ATP11A: variants seen among roughly 807,000 people sequenced by gnomAD.
ATP11A encodes the protein phospholipid-transporting ATPase IH.
A neutral mutation model predicts 154.4 loss-of-function variants in ATP11A; 81 were observed. That is an observed-to-expected ratio of 0.52 (90% CI 0.44 to 0.63). ATP11A has a LOEUF of 0.63. Among genes scored for constraint, ATP11A ranks in the 30% least tolerant of loss-of-function variants. ATP11A has a pLI of 0.00. For missense variants in ATP11A, 1,316 were observed against 1,474.3 expected (o/e 0.89, Z 1.76); for synonymous variants, 623 against 585.9 (o/e 1.06, Z -0.91).
intron 1 of ATP11A, among the ~76,000 whole-genome samples, chr13:112,760,158 C>T (rs947100654): frequency 1.1e-4 from 16 of 152,226 alleles, no homozygotes; most frequent in African/African-American, 3.9e-4. Context: ...TTTCATTTCT[C>T]AGTCTTCCGT....
chr13:112,870,259 C>G (rs1475895364), intron 25 of ATP11A, among the ~76,000 whole-genome samples: 1 of 152,224 alleles, frequency 6.6e-6, no homozygotes, highest in Non-Finnish European at 1.5e-5. Flanking sequence ...GAGATGTTAT[C>G]CTGTTATCCC....
At chr13:112,719,706 T>C (rs573420467) in intron 1 of ATP11A, among the ~76,000 whole-genome samples, 7 of 152,138 alleles carry the variant, frequency 4.6e-5, no homozygotes, top group Non-Finnish European at 7.3e-5. Flanking sequence ...AGAGGGGACT[T>C]TGTCACTTGC....
Position 112,877,667 on chromosome 13 carries a change from C to T in ATP11A, c.3328-550C>T, listed in dbSNP as rs528600419. Among the ~76,000 whole-genome samples, 8 of 152,274 alleles carry T rather than the reference C, an allele frequency of 5.3e-5. No homozygotes were observed. The East Asian group carries it at 1.2e-3, about 22-fold the overall frequency. The stretch of plus-strand genomic sequence containing the variant: ...CTGGGTGCATGTGGCTGCAGAGGTG[C>T]TTGGTCAAAGATGCCTGAGCAGGCA... On this transcript the variant is annotated intron_variant, in intron 28 of 29. Transcript: ENST00000375645.
intron 1 of ATP11A, among the ~76,000 whole-genome samples, chr13:112,727,917 G>A (rs187574618): frequency 1.2e-3 from 184 of 152,338 alleles, no homozygotes; most frequent in Non-Finnish European, 1.5e-3. Context: ...CGAATTCTCC[G>A]TGTAACTCAG....
At chr13:112,714,387 G>A (rs988007265) in intron 1 of ATP11A, among the ~76,000 whole-genome samples, 36 of 152,138 alleles carry the variant, frequency 2.4e-4, no homozygotes, top group Non-Finnish European at 2.5e-4. Flanking sequence ...AAATGTTTAC[G>A]GTGACTTTCC....
intron 1 of ATP11A, among the ~76,000 whole-genome samples, chr13:112,719,611 A>T: frequency 6.6e-6 from 1 of 151,856 alleles, no homozygotes; most frequent in South Asian, 2.1e-4. Flanking sequence ...TGTAAGGTGG[A>T]AGCAAGGAAA....
chr13:112,787,383 C>T (rs1239683132), intron 2 of ATP11A, among the ~76,000 whole-genome samples: 1 of 132,786 alleles, frequency 7.5e-6, no homozygotes, highest in Non-Finnish European at 1.5e-5. Context: ...TGGAGACCTA[C>T]TTAATCCACA....
intron 1 of ATP11A, among the ~76,000 whole-genome samples, chr13:112,771,652 G>T (rs545278396): frequency 2.6e-5 from 4 of 152,190 alleles, no homozygotes; most frequent in African/African-American, 9.7e-5. Context: ...TTTCTGTAGT[G>T]TGAGGCCTTT....
At position 112,764,155 on chromosome 13, in the gene ATP11A, G is replaced by A. The variant is rs143154562; in HGVS notation, c.40-20980G>A. 1.3e-3 allele frequency among the ~76,000 whole-genome samples: 192 copies of A among 152,336 alleles called. 1 individual carries two copies. Among genetic ancestry groups the A allele is most frequent in the African/African-American group, 4.5e-3 (189 of 41,584 alleles). On this transcript the variant is annotated intron_variant, in intron 1 of 29. Coordinates refer to ENST00000375645, the MANE Select transcript of ATP11A (RefSeq NM_015205.3). ...TTGGCCGTAGCCCCCATAAAAGCAG[G>A]AGTATCTGTGTGGGGTGATGGAACC...
intron 25 of ATP11A, among the ~76,000 whole-genome samples, chr13:112,864,996 C>T (rs548380757): frequency 2.0e-5 from 3 of 149,130 alleles, no homozygotes; most frequent in Non-Finnish European, 3.0e-5. Context: ...CAGTGCAGCC[C>T]GCGCAGCTTC....
chr13:112,719,580 C>A (rs2139623491), intron 1 of ATP11A, among the ~76,000 whole-genome samples: 1 of 152,300 alleles, frequency 6.6e-6, no homozygotes, highest in Admixed American at 6.5e-5. Context: ...TCCCACTGGG[C>A]AATGGCAGAA....
rs2140454835 is a variant in ATP11A at position 112,881,624 on chromosome 13, C to T, written c.*10-252C>T. 13 of 1,188,870 alleles carry T rather than the reference C, an allele frequency of 1.1e-5. 1 individual carries two copies. The South Asian group carries it at 1.4e-4, about 13-fold the overall frequency. 73.6% of individuals were successfully genotyped at this position (1,188,870 alleles called of 1,614,324 possible). On this transcript the variant is annotated intron_variant, in intron 29 of 29. Coordinates refer to ENST00000375645, the MANE Select transcript of ATP11A (RefSeq NM_015205.3). The stretch of plus-strand genomic sequence containing the variant: ...CCCTCATTCCTAGACAGAGACCCCT[C>T]GCCTCCATATGGCTTCTCTGGTGGG...
chr13:112,816,259 C>T (rs1249101070), intron 6 of ATP11A, 48 bp downstream of exon 6: 1 of 1,612,208 alleles, frequency 6.2e-7, no homozygotes, highest in Non-Finnish European at 8.5e-7. Context: ...TCCTGTCCTG[C>T]TTCGGACTGT....
chr13:112,716,818 A>G (rs966153816), intron 1 of ATP11A, among the ~76,000 whole-genome samples: 1 of 151,496 alleles, frequency 6.6e-6, no homozygotes, highest in African/African-American at 2.4e-5. Context: ...TAGGTCGGGG[A>G]GGCTGCTGGC....
chr13:112,827,083 T>C (rs1186902834), intron 12 of ATP11A, among the ~76,000 whole-genome samples, 192 bp downstream of exon 12: 1 of 152,240 alleles, frequency 6.6e-6, no homozygotes, highest in Non-Finnish European at 1.5e-5. Flanking sequence ...GATGCAGAAT[T>C]ACCTGCACTT....
intron 25 of ATP11A, among the ~76,000 whole-genome samples, chr13:112,869,294 C>T (rs1253311795): frequency 1.3e-5 from 2 of 152,218 alleles, no homozygotes; most frequent in Non-Finnish European, 2.9e-5. Context: ...GATAGCTGTG[C>T]TTTGTTCCTC....
chr13:112,863,980 C>T (rs367575503), intron 25 of ATP11A, among the ~76,000 whole-genome samples: 5 of 70,724 alleles, frequency 7.1e-5, no homozygotes, highest in East Asian at 5.2e-4. Flanking sequence ...ATGCAGCTTC[C>T]CAGCGGGGTC....
Position 112,832,903 on chromosome 13 carries a change from C to T in ATP11A, c.1439C>T (p.Thr480Ile), listed in dbSNP as rs1394491036. ...LFFRALCLCH[T>I]VQVKDDDSVD... ...TTCCGGGCCCTCTGTCTCTGCCACA[C>T]CGTCCAGGTGAAAGACGATGACAGC... The change falls in exon 14 of 30, where the codon ACC becomes ATC. Residue 480 changes from threonine to isoleucine, a missense_variant. Coordinates refer to ENST00000375645, the MANE Select transcript of ATP11A (RefSeq NM_015205.3). 3.1e-6 allele frequency: 5 copies of T among 1,614,004 alleles called. No individual in the cohort carries two copies. The highest frequency in any genetic ancestry group is 4.2e-6 in the Non-Finnish European group (5 of 1,179,998).
chr13:112,817,884 C>T (rs757084525), intron 6 of ATP11A, among the ~76,000 whole-genome samples: 12 of 152,238 alleles, frequency 7.9e-5, no homozygotes, highest in Non-Finnish European at 1.3e-4. Context: ...AGAGTAGGGG[C>T]GTGGGAAGGG....
Sources: gnomAD v4.1 joint callset for allele counts (sites outside exome capture counted in the v4.1 genomes callset) on GRCh38, gnomAD v4.1.1 for gene constraint, MANE v1.5 for transcripts, NCBI Gene and HGNC (gene_info 2026-07-23, HGNC 2026-07-21) for gene names.